PLCG2: variants seen among roughly 807,000 people sequenced by gnomAD.
PLCG2 encodes 1-phosphatidylinositol 4,5-bisphosphate phosphodiesterase gamma-2.
A neutral mutation model predicts 175.6 loss-of-function variants in PLCG2; 69 were observed. That is an observed-to-expected ratio of 0.39 (90% CI 0.32 to 0.48). The LOEUF (loss-of-function observed/expected upper bound fraction) is 0.48. Among genes scored for constraint, PLCG2 ranks in the 20% least tolerant of loss-of-function variants. PLCG2 has a pLI of 0.91. For synonymous variants in PLCG2, 827 were observed against 624.0 expected, an observed-to-expected ratio of 1.33 and a Z score of -4.85; for missense variants, 1,798 against 1,650.9, an observed-to-expected ratio of 1.09 and a Z score of -1.54.
intron 12 of PLCG2, 54 bp from the exon 13 acceptor site, chr16:81,895,753 C>T (rs1270336332): frequency 5.6e-6 from 9 of 1,605,936 alleles, no homozygotes; most frequent in Admixed American, 1.7e-5. Context: ...GGGCTGACCT[C>T]GGGGCTGTCA....
chr16:81,934,759 T>C (rs1406659427), intron 26 of PLCG2, among the ~76,000 whole-genome samples: 1 of 151,918 alleles, frequency 6.6e-6, no homozygotes, highest in African/African-American at 2.4e-5. Context: ...CAAGACTGAG[T>C]AATTTATAAG....
intron 2 of PLCG2, among the ~76,000 whole-genome samples, chr16:81,823,706 T>C (rs962764423): frequency 4.0e-5 from 6 of 150,726 alleles, no homozygotes; most frequent in Admixed American, 1.3e-4. Flanking sequence ...TTTTTTTTTT[T>C]CCCTGTAGAG....
chr16:81,926,737 T>C (rs1693918282), intron 22 of PLCG2, among the ~76,000 whole-genome samples: 1 of 152,152 alleles, frequency 6.6e-6, no homozygotes, highest in African/African-American at 2.4e-5. Context: ...AGAACCACCT[T>C]CTCTCTAAAT....
At chr16:81,862,620 A>G (rs1270705425) in intron 5 of PLCG2, among the ~76,000 whole-genome samples, 1 of 152,020 alleles carries the variant, frequency 6.6e-6, no homozygotes, top group East Asian at 1.9e-4. Context: ...CTGTAATCCT[A>G]ACAGTTTGGG....
chr16:81,957,807 G>A lies in PLCG2; in HGVS notation c.3756-149G>A, dbSNP rs970268155. The A allele has an allele frequency of 1.4e-5, 9 of 661,490 alleles. No homozygotes were observed. In the African/African-American group the frequency reaches 1.4e-4, roughly 11 times the overall value. The allele number at this position is 661,490 out of a possible 1,614,324, so 41.0% of individuals were successfully genotyped here. On this transcript the variant is annotated intron_variant, in intron 32 of 32. Transcript: ENST00000564138. ...TCTCTGAGTCTCAACGTCTTACCAG[G>A]AACTTGGAGTCTGCCTCTCTGACAC...
intron 2 of PLCG2, among the ~76,000 whole-genome samples, chr16:81,816,937 G>C (rs775758987): frequency 2.0e-5 from 3 of 152,112 alleles, no homozygotes; most frequent in Non-Finnish European, 4.4e-5. Flanking sequence ...AGCTGGTCTA[G>C]AGTCTTCTCT....
intron 1 of PLCG2, among the ~76,000 whole-genome samples, chr16:81,781,267 A>T (rs1194037018): frequency 6.6e-6 from 1 of 152,084 alleles, no homozygotes; most frequent in East Asian, 1.9e-4. Flanking sequence ...GTCTGAAGCT[A>T]TTTTTTTATT....
chr16:81,957,019 C>G, intron 32 of PLCG2, 140 bp downstream of exon 32: 1 of 530,326 alleles, frequency 1.9e-6, no homozygotes, highest in Non-Finnish European at 2.9e-6. Flanking sequence ...GGCTCACAGG[C>G]CAGGCATGGT....
chr16:81,837,823 T>A (rs943444157), intron 2 of PLCG2, among the ~76,000 whole-genome samples: 2 of 151,860 alleles, frequency 1.3e-5, no homozygotes, highest in African/African-American at 2.4e-5. Context: ...TTATCCCCAA[T>A]GGTAATATCT....
chr16:81,870,379 G>C (rs191915879), intron 6 of PLCG2, among the ~76,000 whole-genome samples: 37 of 152,320 alleles, frequency 2.4e-4, no homozygotes, highest in African/African-American at 8.9e-4. Flanking sequence ...GCTGAGTTCT[G>C]TCTGACTCCC....
chr16:81,796,007 A>T (rs952122601), intron 2 of PLCG2, among the ~76,000 whole-genome samples: 1 of 152,158 alleles, frequency 6.6e-6, no homozygotes, highest in Non-Finnish European at 1.5e-5. Flanking sequence ...CTAATTTTGG[A>T]GGGTACAGAG....
chr16:81,929,977 G>A (rs1910434243), intron 24 of PLCG2, among the ~76,000 whole-genome samples: 1 of 152,158 alleles, frequency 6.6e-6, no homozygotes, highest in Non-Finnish European at 1.5e-5. Context: ...CTGAGCCTCA[G>A]TTTTACTACT....
At chr16:81,773,026 C>T (rs553893213) in intron 2 of PLCG2, among the ~76,000 whole-genome samples, 2 of 152,192 alleles carry the variant, frequency 1.3e-5, no homozygotes, top group Non-Finnish European at 2.9e-5. Context: ...TGGGCATCCT[C>T]TCATGATGTG....
At chr16:81,940,196 G>C (rs1910882368) in intron 30 of PLCG2, 137 bp downstream of exon 30, 2 of 692,646 alleles carry the variant, frequency 2.9e-6, no homozygotes, top group Admixed American at 2.5e-5. Context: ...GTGGCTTGGA[G>C]AGCAGGTGTA....
chr16:81,859,282 G>A (rs1906841163), intron 5 of PLCG2, 119 bp downstream of exon 5: 1 of 679,888 alleles, frequency 1.5e-6, no homozygotes, highest in South Asian at 1.7e-5. Flanking sequence ...TGCGTCCATT[G>A]TGATCTGCGG....
At chr16:81,904,939 G>A (rs1909302874) in intron 14 of PLCG2, among the ~76,000 whole-genome samples, 1 of 152,186 alleles carries the variant, frequency 6.6e-6, no homozygotes, top group South Asian at 2.1e-4. Context: ...CCAGGCTGGA[G>A]TGCAGTGGTG....
rs975066926 is a variant in PLCG2 at position 81,921,139 on chromosome 16, T to C, written c.2236-59T>C. On this transcript the variant is annotated intron_variant, in intron 20 of 32. Coordinates refer to ENST00000564138, the MANE Select transcript of PLCG2 (RefSeq NM_002661.5). ...AAGGAAGCCTAGAACCCTTGTTATA[T>C]GTAAGGGCTATTCCAGGAGCATGGA... 10 of 1,036,820 alleles carry C rather than the reference T, an allele frequency of 9.6e-6. No homozygotes were observed. In the African/African-American group the frequency reaches 1.4e-4, roughly 14 times the overall value. 64.2% of individuals were successfully genotyped at this position (1,036,820 alleles called of 1,614,324 possible). A position where few individuals can be genotyped will look rare whatever the true frequency, so the allele number is the denominator to read the frequency against.
intron 1 of PLCG2, among the ~76,000 whole-genome samples, chr16:81,782,229 A>T (rs1309309067): frequency 1.9e-5 from 1 of 53,396 alleles, no homozygotes; most frequent in Admixed American, 2.2e-4. Context: ...GAATGAGCTT[A>T]TGAGATACAA....
At chr16:81,797,532 C>G (rs904894304) in intron 2 of PLCG2, among the ~76,000 whole-genome samples, 3 of 152,228 alleles carry the variant, frequency 2.0e-5, no homozygotes, top group Admixed American at 6.5e-5. Flanking sequence ...GCCAGGGACC[C>G]TGTCTGTTCT....
Sources: gnomAD v4.1 joint callset for allele counts (sites outside exome capture counted in the v4.1 genomes callset) on GRCh38, gnomAD v4.1.1 for gene constraint, MANE v1.5 for transcripts, NCBI Gene and HGNC (gene_info 2026-07-23, HGNC 2026-07-21) for gene names.